Variants in VRK2 observed in about 807,000 individuals in gnomAD.
VRK2 encodes serine/threonine-protein kinase VRK2.
Under a neutral mutation model 57.6 loss-of-function variants are expected in VRK2, and 60 were observed. That is an observed-to-expected ratio of 1.04 (90% CI 0.85 to 1.29). The LOEUF is 1.29. Ranked by LOEUF, VRK2 falls within the 50% of genes most tolerant of loss-of-function variation. The probability of loss-of-function intolerance (pLI) is 0.00; values close to 1 mark genes in which losing one functional copy is unlikely to be tolerated. For missense variants in VRK2, 705 were observed against 588.1 expected, an observed-to-expected ratio of 1.20 and a Z score of -2.06; for synonymous variants, 231 against 199.2, an observed-to-expected ratio of 1.16 and a Z score of -1.35.
downstream of VRK2, chr2:58,159,903 T>C: frequency 6.4e-7 from 1 of 1,554,196 alleles, no homozygotes; most frequent in South Asian, 1.2e-5. Context: ...TAGTACAGTT[T>C]GGAAAACACT....
At chr2:58,110,576 A>G (rs184346513) in intron 7 of VRK2, among the ~76,000 whole-genome samples, 3 of 152,176 alleles carry the variant, frequency 2.0e-5, no homozygotes, top group East Asian at 1.9e-4. Flanking sequence ...TTTCTCCTCA[A>G]TTTCCTTACC....
At chr2:57,934,265 C>G (rs1047563591) in intron 1 of VRK2, among the ~76,000 whole-genome samples, 11 of 152,096 alleles carry the variant, frequency 7.2e-5, no homozygotes, top group African/African-American at 2.7e-4. Flanking sequence ...CTAATAACTG[C>G]CCTTGAATCA....
In VRK2 at chr2:58,136,648, G is replaced by T. The variant is rs147046653; in HGVS notation, c.856+1449G>T. On this transcript the variant is annotated intron_variant, in intron 10 of 12. Coordinates refer to ENST00000340157, the MANE Select transcript of VRK2 (RefSeq NM_006296.7). Reference sequence around the variant, plus strand: ...ATCCCCCCCACCTTGCCCTCCCAAAGTGCTGGGATTACAGGTGTGGGCCAC... The same window carrying T: ...ATCCCCCCCACCTTGCCCTCCCAAATTGCTGGGATTACAGGTGTGGGCCAC... Among the ~76,000 whole-genome samples the T allele has an allele frequency of 3.7e-3, 566 of 151,622 alleles. 2 individuals carry two copies. The highest frequency in any genetic ancestry group is 0.013 in the African/African-American group (522 of 41,314).
chr2:58,114,503 A>G (rs1676114536), intron 7 of VRK2, among the ~76,000 whole-genome samples: 1 of 152,202 alleles, frequency 6.6e-6, no homozygotes, highest in African/African-American at 2.4e-5. Flanking sequence ...GCGTCTATAC[A>G]GGAGCTTAAA....
At chr2:58,157,455 G>A (rs1224643300) in intron 12 of VRK2, among the ~76,000 whole-genome samples, 2 of 152,100 alleles carry the variant, frequency 1.3e-5, no homozygotes, top group Non-Finnish European at 2.9e-5. Context: ...CCTCCTAGCT[G>A]TAACAACCCA....
intron 1 of VRK2, among the ~76,000 whole-genome samples, chr2:58,004,014 G>A (rs1391076321): frequency 6.6e-6 from 1 of 151,994 alleles, no homozygotes; most frequent in Non-Finnish European, 1.5e-5. Flanking sequence ...CAAATATTAG[G>A]AAATGCTTTC....
At chr2:58,008,529 G>T (rs1053840737) in intron 1 of VRK2, among the ~76,000 whole-genome samples, 1 of 151,466 alleles carries the variant, frequency 6.6e-6, no homozygotes, top group East Asian at 1.9e-4. Flanking sequence ...GTGAAGGAAG[G>T]AAGAAAAGAA....
chr2:57,908,417 T>C (rs953155085), intron 1 of VRK2, among the ~76,000 whole-genome samples: 2 of 152,154 alleles, frequency 1.3e-5, no homozygotes, highest in African/African-American at 4.8e-5. Context: ...TAGTCACAAT[T>C]TTGTCTGTGT....
intron 7 of VRK2, among the ~76,000 whole-genome samples, chr2:58,091,506 AGTT>A (rs1262327835): frequency 6.6e-6 from 1 of 152,014 alleles, no homozygotes; most frequent in Non-Finnish European, 1.5e-5. Context: ...CAATATACCT[AGTT>A]GTTACTGTAT....
intron 2 of VRK2, among the ~76,000 whole-genome samples, chr2:58,073,902 T>A (rs1669705031): frequency 6.6e-6 from 1 of 151,980 alleles, no homozygotes; most frequent in African/African-American, 2.4e-5. Context: ...GCTTTTATCC[T>A]AGCCACCTTG....
chr2:58,011,971 A>G (rs562199000), intron 1 of VRK2, among the ~76,000 whole-genome samples: 47 of 152,296 alleles, frequency 3.1e-4, no homozygotes, highest in African/African-American at 1.1e-3. Context: ...TAAATCTCAC[A>G]TTAGGGCTCA....
chr2:58,002,927 A>G (rs1459200636), intron 1 of VRK2, among the ~76,000 whole-genome samples: 2 of 152,232 alleles, frequency 1.3e-5, no homozygotes, highest in African/African-American at 4.8e-5. Context: ...GAAAATCAAC[A>G]CAGGGTCATG....
At position 57,997,279 on chromosome 2, in the gene VRK2, G is replaced by A. The variant is rs117524273; in HGVS notation, c.-438-28386G>A. 1.1e-4 allele frequency among the ~76,000 whole-genome samples: 16 copies of A among 152,024 alleles called. No individual in the cohort carries two copies. The East Asian group carries it at 3.1e-3, about 30-fold the overall frequency. On this transcript the variant is annotated intron_variant, in intron 1 of 15. Coordinates refer to the VRK2 transcript ENST00000417641. ...CTAGATATAATTAGCCAATAGACAA[G>A]ATTTCAATATGGCTTCAGAAAAACA...
At chr2:58,090,698 T>C (rs942245922) in intron 7 of VRK2, among the ~76,000 whole-genome samples, 1 of 152,184 alleles carries the variant, frequency 6.6e-6, no homozygotes, top group Non-Finnish European at 1.5e-5. Flanking sequence ...GCAGCAGTTG[T>C]GCTCATTAGT....
chr2:58,101,003 C>A (rs902580423), intron 7 of VRK2, among the ~76,000 whole-genome samples: 4 of 151,580 alleles, frequency 2.6e-5, no homozygotes, highest in Non-Finnish European at 5.9e-5. Context: ...TTAAAAAATT[C>A]TTGTTTTGAA....
intron 7 of VRK2, among the ~76,000 whole-genome samples, chr2:58,108,170 A>G (rs1046567110): frequency 5.3e-5 from 8 of 151,892 alleles, no homozygotes; most frequent in Admixed American, 1.3e-4. Flanking sequence ...CTTTTTCTCT[A>G]TTTATTGAAT....
At chr2:57,942,755 A>G (rs1671139815) in intron 1 of VRK2, among the ~76,000 whole-genome samples, 1 of 152,218 alleles carries the variant, frequency 6.6e-6, no homozygotes, top group African/African-American at 2.4e-5. Flanking sequence ...CAATCAAATC[A>G]AAGGTTCAAA....
chr2:58,139,427 G>A (rs1016429687), intron 10 of VRK2, among the ~76,000 whole-genome samples: 7 of 152,024 alleles, frequency 4.6e-5, no homozygotes, highest in South Asian at 2.1e-4. Context: ...AATTATAAGC[G>A]TATCAACAAA....
Position 58,139,645 on chromosome 2 carries a change from A to G in VRK2, c.857-21A>G, listed in dbSNP as rs370647306. 1.6e-4 allele frequency: 259 copies of G among 1,599,032 alleles called. 1 individual carries two copies. Among genetic ancestry groups the G allele is most frequent in the Admixed American group, 1.1e-3 (66 of 57,566 alleles). Reference sequence around the variant, plus strand: ...TTCTTGCCAATTGTGAATGACATGTAAAAAATTTAATAATTCACAGGTGAA... The same window carrying G: ...TTCTTGCCAATTGTGAATGACATGTGAAAAATTTAATAATTCACAGGTGAA... On this transcript the variant is annotated intron_variant, in intron 10 of 12. Transcript: ENST00000340157.
Sources: allele counts gnomAD v4.1 joint callset (sites outside exome capture counted in the v4.1 genomes callset), GRCh38; gene constraint gnomAD v4.1.1; transcripts MANE v1.5; gene names NCBI Gene and HGNC (gene_info 2026-07-23, HGNC 2026-07-21).